NTM: variants seen among roughly 807,000 people sequenced by gnomAD.
NTM encodes the protein neurotrimin, also known as IgLON family member 2.
Under a neutral mutation model 42.1 loss-of-function variants are expected in NTM, and 13 were observed. That is an observed-to-expected ratio of 0.31 (90% confidence interval 0.20 to 0.49). The LOEUF (loss-of-function observed/expected upper bound fraction) is 0.49, where lower values mean the gene tolerates loss of function less well. NTM is among the 20% of genes least tolerant of loss of function. NTM has a pLI of 0.99. For synonymous variants in NTM, 187 were observed against 179.2 expected, an observed-to-expected ratio of 1.04 and a Z score of -0.35; for missense variants, 373 against 452.8, an observed-to-expected ratio of 0.82 and a Z score of 1.60.
At chr11:131,480,092 G>GA (rs1305717776) in intron 1 of NTM, among the ~76,000 whole-genome samples, 4 of 146,240 alleles carry the variant, frequency 2.7e-5, no homozygotes, top group South Asian at 2.1e-4. Context: ...ATTTCATTTT[G>GA]AAAAAAATAC....
intron 1 of NTM, among the ~76,000 whole-genome samples, chr11:131,453,782 A>G (rs7121904): frequency 0.97 from 147,059 of 152,296 alleles, 71,031 homozygotes; most frequent in East Asian, 1. Flanking sequence ...CATTGGCTGC[A>G]GGTATCTGCC....
At chr11:131,487,104 G>A (rs1443412529) in intron 1 of NTM, among the ~76,000 whole-genome samples, 1 of 152,176 alleles carries the variant, frequency 6.6e-6, no homozygotes, top group Non-Finnish European at 1.5e-5. Flanking sequence ...TCCACCACCA[G>A]GAGGGCCTGT....
intron 2 of NTM, among the ~76,000 whole-genome samples, chr11:132,048,090 TAGAA>T (rs2078272257): frequency 6.6e-6 from 1 of 152,150 alleles, no homozygotes; most frequent in African/African-American, 2.4e-5. Flanking sequence ...TTTAAACTGT[TAGAA>T]AGAAGAGACC....
chr11:131,479,199 G>A (rs780386265), intron 1 of NTM, among the ~76,000 whole-genome samples: 8 of 152,218 alleles, frequency 5.3e-5, no homozygotes, highest in Non-Finnish European at 1.5e-5. Context: ...CCCTTGTGAA[G>A]CATTTTAGGG....
chr11:132,029,749 T>C (rs2075681532), intron 2 of NTM, among the ~76,000 whole-genome samples: 1 of 152,134 alleles, frequency 6.6e-6, no homozygotes, highest in African/African-American at 2.4e-5. Flanking sequence ...TAATGGACTT[T>C]TTTGAAGGAA....
intron 3 of NTM, among the ~76,000 whole-genome samples, chr11:132,147,236 A>AGT (rs2070730923): frequency 6.6e-6 from 1 of 151,040 alleles, no homozygotes; most frequent in Admixed American, 6.6e-5. Flanking sequence ...AGAGAGAGAG[A>AGT]GAGAATATGT....
chr11:132,224,932 G>A (rs370280121), intron 4 of NTM, among the ~76,000 whole-genome samples: 9 of 152,296 alleles, frequency 5.9e-5, no homozygotes, highest in African/African-American at 2.2e-4. Flanking sequence ...CTTTTCTCCT[G>A]TGTGGCAATA....
chr11:131,670,225 C>G (rs1409285398), intron 1 of NTM, among the ~76,000 whole-genome samples: 5 of 152,110 alleles, frequency 3.3e-5, no homozygotes, highest in Non-Finnish European at 5.9e-5. Flanking sequence ...AGTACCCACT[C>G]CACCCTCATC....
chr11:131,993,997 C>T (rs949339830), intron 2 of NTM, among the ~76,000 whole-genome samples: 1 of 116,526 alleles, frequency 8.6e-6, no homozygotes, highest in African/African-American at 3.7e-5. Context: ...GATTGAAACT[C>T]CATCTCCAAA....
At chr11:131,566,379 G>A (rs1244983635) in intron 1 of NTM, among the ~76,000 whole-genome samples, 1 of 151,978 alleles carries the variant, frequency 6.6e-6, no homozygotes, top group Middle Eastern at 3.2e-3. Flanking sequence ...TCTCCAGGAG[G>A]GAGTCTCCCC....
At chr11:132,057,672 A>T (rs902516831) in intron 2 of NTM, among the ~76,000 whole-genome samples, 2 of 152,142 alleles carry the variant, frequency 1.3e-5, no homozygotes, top group African/African-American at 4.8e-5. Context: ...GACACTGCAG[A>T]TGCTTAATTT....
chr11:131,750,535 C>G (rs1356466860), intron 1 of NTM, among the ~76,000 whole-genome samples: 1 of 152,206 alleles, frequency 6.6e-6, no homozygotes, highest in African/African-American at 2.4e-5. Flanking sequence ...AGCCAGAGAC[C>G]AAGTGGCCTC....
At chr11:131,823,955 G>T (rs1481368705) in intron 1 of NTM, among the ~76,000 whole-genome samples, 1 of 152,174 alleles carries the variant, frequency 6.6e-6, no homozygotes, top group Non-Finnish European at 1.5e-5. Context: ...GCAATTCAAG[G>T]CTGTGTATGA....
intron 2 of NTM, among the ~76,000 whole-genome samples, chr11:131,990,542 G>C (rs564254007): frequency 2.6e-5 from 4 of 151,838 alleles, no homozygotes; most frequent in Non-Finnish European, 5.9e-5. Context: ...ATGTGTGTGT[G>C]TCTATAAATC....
In NTM at chr11:132,206,782, G is replaced by T. The variant is rs557360963; in HGVS notation, c.401-5240G>T. On this transcript the variant is annotated intron_variant, in intron 3 of 8. Transcript: ENST00000683400. ...TAGATACCTGTTTCTCATTTGTTGA[G>T]ACCTAAAATAAACTCCAATTTGAGG... is the stretch of plus-strand genomic sequence containing the variant. Among the ~76,000 whole-genome samples, 63 of 152,258 alleles carry T rather than the reference G, an allele frequency of 4.1e-4. 1 individual carries two copies. In the South Asian group the frequency reaches 9.3e-3, roughly 23 times the overall value.
At chr11:132,126,900 T>G (rs1397685203) in intron 2 of NTM, among the ~76,000 whole-genome samples, 5 of 152,202 alleles carry the variant, frequency 3.3e-5, no homozygotes, top group Non-Finnish European at 7.3e-5. Flanking sequence ...TGGAAATGAT[T>G]CAAGCATCTG....
In NTM at chr11:132,212,056, C is replaced by A; in HGVS notation, c.435C>A (p.Ile145=). Reference sequence around the variant, plus strand: ...AAATTGTAGAGATTTCTTCAGATATCTCCATTAATGAAGGGAACAATATTA... The same window carrying A: ...AAATTGTAGAGATTTCTTCAGATATATCCATTAATGAAGGGAACAATATTA... ...SPKIVEISSD[I]SINEGNNISL... is the part of the protein sequence containing the mutation. The change falls in exon 4 of 9, where the codon ATC becomes ATA. Residue 145 remains isoleucine (I), a synonymous_variant. Transcript: ENST00000683400. 2 of 1,612,082 alleles carry A rather than the reference C, an allele frequency of 1.2e-6. No individual in the cohort carries two copies. The highest frequency in any genetic ancestry group is 1.7e-6 in the Non-Finnish European group (2 of 1,178,712).
chr11:131,950,983 A>G (rs2060918860), intron 2 of NTM, among the ~76,000 whole-genome samples: 1 of 151,958 alleles, frequency 6.6e-6, no homozygotes, highest in Non-Finnish European at 1.5e-5. Flanking sequence ...TGCCCTGGAC[A>G]TTGCTGTTGT....
chr11:131,664,767 T>A (rs558464381), intron 1 of NTM, among the ~76,000 whole-genome samples: 1 of 151,138 alleles, frequency 6.6e-6, no homozygotes, highest in South Asian at 2.1e-4. Context: ...TTTTTTTTTT[T>A]TTTTTTTTTT....
Sources: gnomAD v4.1 joint callset for allele counts (sites outside exome capture counted in the v4.1 genomes callset) on GRCh38, gnomAD v4.1.1 for gene constraint, MANE v1.5 for transcripts, NCBI Gene and HGNC (gene_info 2026-07-23, HGNC 2026-07-21) for gene names.